The following PCDHGA2 variants were observed in gnomAD, a reference collection of about 807,000 sequenced individuals.
PCDHGA2 encodes the protein protocadherin gamma subfamily A, 2, also known as protocadherin gamma-A2.
PCDHGA2 carries 40 observed loss-of-function variants against 59.2 expected under a neutral mutation model. The ratio of observed to expected loss-of-function variants is 0.68; its 90% confidence interval spans 0.52 to 0.88. The LOEUF is 0.88. PCDHGA2 is among the 40% of genes least tolerant of loss of function. The pLI is 0.00. For synonymous variants in PCDHGA2, 560 were observed against 526.0 expected (o/e 1.06, Z -0.89); for missense variants, 1,226 against 1,204.0 (o/e 1.02, Z -0.27).
chr5:141,353,490 G>A (rs1435976682), intron 1 of PCDHGA2, among the ~76,000 whole-genome samples: 2 of 152,106 alleles, frequency 1.3e-5, no homozygotes, highest in East Asian at 3.8e-4. Flanking sequence ...TTAACACTTT[G>A]TCTCATCACA....
At chr5:141,401,861 G>A (rs934405271) in intron 1 of PCDHGA2, among the ~76,000 whole-genome samples, 3 of 152,122 alleles carry the variant, frequency 2.0e-5, no homozygotes, top group African/African-American at 7.2e-5. Context: ...TAACCTTTCA[G>A]TAGTTTTCTT....
chr5:141,366,698 C>G, intron 1 of PCDHGA2: 1 of 1,614,234 alleles, frequency 6.2e-7, no homozygotes, highest in Non-Finnish European at 8.5e-7. Flanking sequence ...GAAAAGCGAG[C>G]CTCTTCTGAT....
intron 1 of PCDHGA2, among the ~76,000 whole-genome samples, chr5:141,455,808 A>G (rs2098832210): frequency 6.6e-6 from 1 of 152,050 alleles, no homozygotes; most frequent in Non-Finnish European, 1.5e-5. Flanking sequence ...TAAAAAATGA[A>G]AACTTCCCAA....
rs1399844519 is a variant in PCDHGA2 at position 141,477,484 on chromosome 5, A to G, written c.2425-17323A>G. 1.2e-6 allele frequency: 2 copies of G among 1,614,014 alleles called. No homozygotes were observed. The highest frequency in any genetic ancestry group is 1.7e-6 in the Non-Finnish European group (2 of 1,180,006). ...CCGACATCAATGACAACCCTCCACAATCTTCTCAATCTTCCTACGACGTTT... is the reference window on the plus strand; with the variant it reads ...CCGACATCAATGACAACCCTCCACAGTCTTCTCAATCTTCCTACGACGTTT... On this transcript the variant is annotated intron_variant, in intron 1 of 3. Coordinates refer to ENST00000394576, the MANE Select transcript of PCDHGA2 (RefSeq NM_018915.4). This position sits in a 1 kb window ranked among gnomAD's most constrained non-coding sequence, Gnocchi z 4.9.
chr5:141,507,559 G>T (rs542787142), intron 3 of PCDHGA2, among the ~76,000 whole-genome samples: 1 of 152,368 alleles, frequency 6.6e-6, no homozygotes, highest in African/African-American at 2.4e-5. Flanking sequence ...GTGGCAGGCG[G>T]CTGGGTCTGA....
intron 1 of PCDHGA2, chr5:141,351,851 A>G (rs543692676): frequency 1.9e-6 from 3 of 1,613,034 alleles, no homozygotes; most frequent in Non-Finnish European, 2.5e-6. Context: ...ACTGCAGGCC[A>G]GGGACCAGGG....
intron 1 of PCDHGA2, among the ~76,000 whole-genome samples, chr5:141,460,454 T>C (rs1010186960): frequency 6.6e-6 from 1 of 152,194 alleles, no homozygotes; most frequent in Admixed American, 6.6e-5. Context: ...TGAAGATTCA[T>C]ATTTTTTTCC....
chr5:141,409,644 TG>T, intron 1 of PCDHGA2: 1 of 1,613,700 alleles, frequency 6.2e-7, no homozygotes, highest in Non-Finnish European at 8.5e-7. Flanking sequence ...GACCCGGATT[TG>T]GGGCTCAATG....
chr5:141,421,443 GAC>G (rs771422215), intron 1 of PCDHGA2: 47 of 1,613,988 alleles, frequency 2.9e-5, no homozygotes, highest in Non-Finnish European at 3.6e-5. Context: ...CCAGAGGGAA[GAC>G]ACAGCTTTTC....
intron 1 of PCDHGA2, among the ~76,000 whole-genome samples, chr5:141,353,015 T>C (rs1759163268): frequency 2.6e-5 from 4 of 152,166 alleles, no homozygotes; most frequent in Admixed American, 1.3e-4. Context: ...AATTATATAT[T>C]GCATTTTCTT....
At chr5:141,466,281 C>T (rs555506496) in intron 1 of PCDHGA2, among the ~76,000 whole-genome samples, 76 of 152,252 alleles carry the variant, frequency 5.0e-4, no homozygotes, top group African/African-American at 1.7e-3. Context: ...AGCAATCTTC[C>T]CACCTCAGGC....
At chr5:141,460,067 G>T (rs1168161575) in intron 1 of PCDHGA2, among the ~76,000 whole-genome samples, 1 of 151,996 alleles carries the variant, frequency 6.6e-6, no homozygotes, top group Non-Finnish European at 1.5e-5. Flanking sequence ...AACAGAGTGA[G>T]ACTTCATCTA....
chr5:141,427,915 T>C lies in PCDHGA2; in HGVS notation c.2425-66892T>C, dbSNP rs779333176. ...GGCTCGCCCGCGCTCAGCGCCAACATGAGCCGGCGCATGTTGGTGGGCGAC... is the reference window on the plus strand; with the variant it reads ...GGCTCGCCCGCGCTCAGCGCCAACACGAGCCGGCGCATGTTGGTGGGCGAC... On this transcript the variant is annotated intron_variant, in intron 1 of 3. Transcript: ENST00000394576. The C allele has an allele frequency of 7.0e-6, 11 of 1,578,094 alleles. No individual in the cohort carries two copies. In the Admixed American group the frequency reaches 8.4e-5, roughly 12 times the overall value.
Position 141,476,641 on chromosome 5 carries a change from C to A in PCDHGA2, c.2425-18166C>A, listed in dbSNP as rs1183948220. The A allele has an allele frequency of 1.2e-6, 2 of 1,614,256 alleles. No homozygotes were observed. The highest frequency in any genetic ancestry group is 1.7e-5 in the Admixed American group (1 of 60,030). On this transcript the variant is annotated intron_variant, in intron 1 of 3. Transcript: ENST00000394576. This position sits in a 1 kb window ranked among gnomAD's most constrained non-coding sequence, Gnocchi z 7.6. ...ACTCTTTACAAACCTATGAGCTGAG[C>A]CGAAATGAATACTTTGCGCTTCGCG... is the stretch of plus-strand genomic sequence containing the variant.
At position 141,476,161 on chromosome 5, in the gene PCDHGA2, G is replaced by A. The variant is rs748660112; in HGVS notation, c.2425-18646G>A. 21 of 1,613,012 alleles carry A rather than the reference G, an allele frequency of 1.3e-5. No homozygotes were observed. Among genetic ancestry groups the A allele is most frequent in the Non-Finnish European group, 1.8e-5 (21 of 1,179,922 alleles). On this transcript the variant is annotated intron_variant, in intron 1 of 3. Transcript: ENST00000394576. The surrounding 1 kb of genome is among the most constrained non-coding windows in gnomAD (Gnocchi z 7.6). ...GGAGCGGACTGGTAAGCACCGGGAG[G>A]GTAGTGGGAGTTTTGCTTCTGCTTG... is the stretch of plus-strand genomic sequence containing the variant.
chr5:141,421,731 C>A (rs73792198), intron 1 of PCDHGA2: 144,261 of 1,613,668 alleles, frequency 0.089, 7,407 homozygotes, highest in African/African-American at 0.18. Flanking sequence ...TGAACTCCCT[C>A]CAGAGCTACC....
Position 141,400,134 on chromosome 5 carries a change from G to A in PCDHGA2, c.2424+58739G>A, listed in dbSNP as rs373375631. The A allele has an allele frequency of 6.8e-6, 11 of 1,613,954 alleles. No homozygotes were observed. In the African/African-American group the frequency reaches 9.3e-5, roughly 14 times the overall value. Reference sequence around the variant, plus strand: ...CTGACAGCTTGCAGGAGGTGCTGCCGGATATCACTGACCGCCCTGTACCCT... The same window carrying A: ...CTGACAGCTTGCAGGAGGTGCTGCCAGATATCACTGACCGCCCTGTACCCT... On this transcript the variant is annotated intron_variant, in intron 1 of 3. Coordinates refer to ENST00000394576, the MANE Select transcript of PCDHGA2 (RefSeq NM_018915.4).
At position 141,372,541 on chromosome 5, in the gene PCDHGA2, G is replaced by C. The variant is rs376822583; in HGVS notation, c.2424+31146G>C. Reference sequence around the variant, plus strand: ...ATTCTGGCAATCTCCCTGCGCCTGCGATGCTCCTCCAGACCCGCCACTGAG... The same window carrying C: ...ATTCTGGCAATCTCCCTGCGCCTGCCATGCTCCTCCAGACCCGCCACTGAG... On this transcript the variant is annotated intron_variant, in intron 1 of 3. Transcript: ENST00000394576. 2.5e-6 allele frequency: 4 copies of C among 1,613,980 alleles called. No individual in the cohort carries two copies. The South Asian group carries it at 4.4e-5, about 18-fold the overall frequency.
At chr5:141,384,574 C>T in intron 1 of PCDHGA2, 1 of 1,614,228 alleles carries the variant, frequency 6.2e-7, no homozygotes, top group Non-Finnish European at 8.5e-7. Flanking sequence ...GAATGACAAC[C>T]CGCCCGAGAT....
Sources: gnomAD v4.1 joint callset for allele counts (sites outside exome capture counted in the v4.1 genomes callset) on GRCh38, gnomAD v4.1.1 for gene constraint, Gnocchi (gnomAD v3.1) non-coding constraint, MANE v1.5 for transcripts, NCBI Gene and HGNC (gene_info 2026-07-23, HGNC 2026-07-21) for gene names.